PPP1R16B: variants seen among roughly 807,000 people sequenced by gnomAD.
The protein encoded by PPP1R16B is protein phosphatase 1 regulatory subunit 16B.
PPP1R16B carries 14 observed loss-of-function variants against 61.7 expected under a neutral mutation model. That is an observed-to-expected ratio of 0.23 (90% CI 0.15 to 0.35). The LOEUF (loss-of-function observed/expected upper bound fraction) is 0.35. Ranked by LOEUF, PPP1R16B falls within the 10% of genes least tolerant of loss-of-function variation. The pLI, the probability that PPP1R16B is intolerant of heterozygous loss-of-function variation, is 1.00. For missense variants in PPP1R16B, 547 were observed against 752.5 expected (o/e 0.73, Z 3.19); for synonymous variants, 266 against 305.3 (o/e 0.87, Z 1.34).
At chr20:38,878,245 A>G (rs965989261) in intron 2 of PPP1R16B, among the ~76,000 whole-genome samples, 1 of 152,182 alleles carries the variant, frequency 6.6e-6, no homozygotes, top group Admixed American at 6.5e-5. Flanking sequence ...CCCCAGGCAG[A>G]CACTTGTTCA....
chr20:38,828,581 G>T (rs1470355866), intron 1 of PPP1R16B, among the ~76,000 whole-genome samples: 2 of 152,186 alleles, frequency 1.3e-5, no homozygotes, highest in African/African-American at 4.8e-5. Flanking sequence ...GCCAAGCATT[G>T]GTTTCATCCA....
At position 38,920,268 on chromosome 20, in the gene PPP1R16B, C is replaced by G. The variant is rs2085583888; in HGVS notation, c.*1602C>G. The stretch of plus-strand genomic sequence containing the variant: ...AGAACCTCTTGGTGTACCCGATAAG[C>G]TGCAGGTTATCCCTTGCTCTGTGCG... On this transcript the variant is annotated 3_prime_UTR_variant, in exon 11 of 11. Transcript: ENST00000299824. 6.5e-6 allele frequency: 1 copy of G among 152,792 alleles called. No individual in the cohort carries two copies. Among genetic ancestry groups the G allele is most frequent in the Non-Finnish European group, 1.5e-5 (1 of 68,136 alleles). 9.5% of individuals were successfully genotyped at this position (152,792 alleles called of 1,614,324 possible). A position where few individuals can be genotyped will look rare whatever the true frequency, so the allele number is the denominator to read the frequency against.
intron 1 of PPP1R16B, among the ~76,000 whole-genome samples, chr20:38,824,062 T>C (rs76069929): frequency 0.026 from 4,010 of 152,250 alleles, 90 homozygotes; most frequent in Admixed American, 0.073. Flanking sequence ...AGTTACGAGT[T>C]CCCTAACCTC....
chr20:38,821,638 C>T (rs991742030), intron 1 of PPP1R16B, among the ~76,000 whole-genome samples: 4 of 152,120 alleles, frequency 2.6e-5, no homozygotes, highest in Non-Finnish European at 5.9e-5. Flanking sequence ...GTGAGAGACA[C>T]CACCCAAAGA....
At position 38,919,422 on chromosome 20, in the gene PPP1R16B, C is replaced by A. The variant is rs2085573275; in HGVS notation, c.*756C>A. 1 of 152,238 alleles carries A rather than the reference C, an allele frequency of 6.6e-6. No homozygotes were observed. The highest frequency in any genetic ancestry group is 2.4e-5 in the African/African-American group (1 of 41,438). 9.4% of individuals were successfully genotyped at this position (152,238 alleles called of 1,614,324 possible). On this transcript the variant is annotated 3_prime_UTR_variant, in exon 11 of 11. Coordinates refer to ENST00000299824, the MANE Select transcript of PPP1R16B (RefSeq NM_015568.4). Reference sequence around the variant, plus strand: ...AGGGGGAAAACCAGGCAATTTCGTTCCTGGAATCAACCAAATCATGTTTTC... The same window carrying A: ...AGGGGGAAAACCAGGCAATTTCGTTACTGGAATCAACCAAATCATGTTTTC...
intron 4 of PPP1R16B, among the ~76,000 whole-genome samples, chr20:38,897,978 C>G (rs1375672137): frequency 2.6e-5 from 4 of 152,144 alleles, no homozygotes; most frequent in Non-Finnish European, 4.4e-5. Context: ...TAGGATTTCT[C>G]TATGTATTCT....
intron 1 of PPP1R16B, among the ~76,000 whole-genome samples, chr20:38,833,547 A>G (rs2084850868): frequency 6.6e-6 from 1 of 152,266 alleles, no homozygotes; most frequent in Non-Finnish European, 1.5e-5. Context: ...TCTCTGTACT[A>G]TTTGTTACGC....
chr20:38,907,129 T>C lies in PPP1R16B; in HGVS notation c.898+75T>C. ...TTTGATGGGTAGAGGGAGAAATAGATAAATATATGGTTGTATAGATTGATG... is the reference window on the plus strand; with the variant it reads ...TTTGATGGGTAGAGGGAGAAATAGACAAATATATGGTTGTATAGATTGATG... On this transcript the variant is annotated intron_variant, in intron 8 of 10. Transcript: ENST00000299824. This position sits in a 1 kb window ranked among gnomAD's most constrained non-coding sequence, Gnocchi z 4.5. The C allele has an allele frequency of 8.5e-7, 1 of 1,177,398 alleles. No homozygotes were observed. 72.9% of individuals were successfully genotyped at this position (1,177,398 alleles called of 1,614,324 possible).
At chr20:38,878,876 T>C (rs918763193) in intron 2 of PPP1R16B, among the ~76,000 whole-genome samples, 6 of 152,142 alleles carry the variant, frequency 3.9e-5, no homozygotes, top group Non-Finnish European at 5.9e-5. Flanking sequence ...AAATTCAGGA[T>C]TGATAGCTGG....
At chr20:38,912,531 G>T (rs987648320) in intron 10 of PPP1R16B, among the ~76,000 whole-genome samples, 2 of 151,198 alleles carry the variant, frequency 1.3e-5, no homozygotes, top group African/African-American at 4.9e-5. Context: ...AAACAATTAG[G>T]TGGGTGTGAT....
In PPP1R16B at chr20:38,847,637, A is replaced by G. The variant is rs977860421; in HGVS notation, c.250+11462A>G. Among the ~76,000 whole-genome samples the G allele has an allele frequency of 5.3e-5, 8 of 152,256 alleles. No individual in the cohort carries two copies. The South Asian group carries it at 1.7e-3, about 32-fold the overall frequency. Reference sequence around the variant, plus strand: ...CTCCCAAAGTGCTGGGATTACATGCATGAGCCACTGCACCCGGACTATTTG... The same window carrying G: ...CTCCCAAAGTGCTGGGATTACATGCGTGAGCCACTGCACCCGGACTATTTG... On this transcript the variant is annotated intron_variant, in intron 2 of 10. Transcript: ENST00000299824.
At chr20:38,906,947 G>A (rs772287704) in intron 7 of PPP1R16B, 32 bp from the exon 8 acceptor site, 4 of 1,591,764 alleles carry the variant, frequency 2.5e-6, no homozygotes, top group African/African-American at 1.3e-5. Context: ...GCTCTGGGCA[G>A]GGGGACACAT....
chr20:38,846,624 G>A (rs2145726383), intron 2 of PPP1R16B, among the ~76,000 whole-genome samples: 2 of 152,270 alleles, frequency 1.3e-5, no homozygotes, highest in South Asian at 4.2e-4. Flanking sequence ...CATAATTTAT[G>A]CAGCTACTCC....
At chr20:38,879,551 T>G (rs1365785546) in intron 2 of PPP1R16B, among the ~76,000 whole-genome samples, 1 of 152,218 alleles carries the variant, frequency 6.6e-6, no homozygotes, top group Non-Finnish European at 1.5e-5. Context: ...ATTCTTAGAA[T>G]TTAAAAAAAT....
At chr20:38,843,548 G>A (rs1423169321) in intron 2 of PPP1R16B, among the ~76,000 whole-genome samples, 1 of 152,214 alleles carries the variant, frequency 6.6e-6, no homozygotes, top group African/African-American at 2.4e-5. Flanking sequence ...AGTGATCCAA[G>A]AGATAGAGGA....
At chr20:38,857,565 G>A (rs2085016723) in intron 2 of PPP1R16B, among the ~76,000 whole-genome samples, 1 of 152,192 alleles carries the variant, frequency 6.6e-6, no homozygotes, top group Non-Finnish European at 1.5e-5. Context: ...TTAATGGAAG[G>A]GGGTTGGATT....
chr20:38,820,077 G>A (rs188137492), intron 1 of PPP1R16B, among the ~76,000 whole-genome samples: 22 of 152,158 alleles, frequency 1.4e-4, no homozygotes, highest in African/African-American at 4.6e-4. Context: ...CACTGTTTGC[G>A]AGAGTCATCC....
intron 1 of PPP1R16B, among the ~76,000 whole-genome samples, chr20:38,811,465 A>G (rs1407224881): frequency 2.6e-5 from 4 of 152,238 alleles, no homozygotes; most frequent in Non-Finnish European, 4.4e-5. Flanking sequence ...GCTAAATAGT[A>G]ACTCACAAAC....
chr20:38,814,082 C>A (rs1056277482), intron 1 of PPP1R16B, among the ~76,000 whole-genome samples: 1 of 152,152 alleles, frequency 6.6e-6, no homozygotes, highest in Non-Finnish European at 1.5e-5. Flanking sequence ...CAGGCATGAG[C>A]CACTGTGTCT....
Sources: allele counts gnomAD v4.1 joint callset (sites outside exome capture counted in the v4.1 genomes callset), GRCh38; gene constraint gnomAD v4.1.1; non-coding constraint Gnocchi (gnomAD v3.1); transcripts MANE v1.5; gene names NCBI Gene and HGNC (gene_info 2026-07-23, HGNC 2026-07-21).